The following UIMC1 variants were observed in gnomAD, a reference collection of about 807,000 sequenced individuals.
UIMC1 encodes the protein BRCA1-A complex subunit RAP80.
A neutral mutation model predicts 84.9 loss-of-function variants in UIMC1; 42 were observed. That is an observed-to-expected ratio of 0.49 (90% confidence interval 0.39 to 0.64). The LOEUF is 0.64. UIMC1 is among the 30% of genes least tolerant of loss of function. UIMC1 has a pLI of 0.00. For missense variants in UIMC1, 825 were observed against 847.6 expected (o/e 0.97, Z 0.33); for synonymous variants, 281 against 293.0 (o/e 0.96, Z 0.42).
chr5:176,910,267 T>C (rs532573754), intron 11 of UIMC1, among the ~76,000 whole-genome samples: 59 of 152,344 alleles, frequency 3.9e-4, no homozygotes, highest in African/African-American at 1.4e-3. Flanking sequence ...GGGTCTAAGA[T>C]CTGTGTTTCA....
At chr5:176,918,979 T>C (rs1247557633) in intron 10 of UIMC1, among the ~76,000 whole-genome samples, 1 of 152,224 alleles carries the variant, frequency 6.6e-6, no homozygotes, top group African/African-American at 2.4e-5. Flanking sequence ...AATCTTGACA[T>C]ATTTTCCTAG....
At chr5:176,928,063 C>T (rs1366101373) in intron 10 of UIMC1, among the ~76,000 whole-genome samples, 3 of 151,996 alleles carry the variant, frequency 2.0e-5, no homozygotes, top group East Asian at 1.9e-4. Context: ...AGGCTGGTCT[C>T]GAACTCTTGA....
chr5:176,924,896 G>A (rs573305669), intron 10 of UIMC1, among the ~76,000 whole-genome samples: 4 of 151,598 alleles, frequency 2.6e-5, no homozygotes, highest in East Asian at 3.9e-4. Context: ...AAAATTAGCC[G>A]GGCACACATC....
intron 10 of UIMC1, among the ~76,000 whole-genome samples, chr5:176,923,854 ACT>A (rs912502383): frequency 1.6e-5 from 2 of 128,292 alleles, no homozygotes; most frequent in African/African-American, 2.7e-5. Context: ...ACAGAGCAAG[ACT>A]CTGTCTCAAA....
chr5:176,921,881 G>A (rs547906961), intron 10 of UIMC1, among the ~76,000 whole-genome samples: 247 of 152,252 alleles, frequency 1.6e-3, no homozygotes, highest in African/African-American at 5.7e-3. Flanking sequence ...TATTTGGAAT[G>A]AAGTACAAAA....
intron 13 of UIMC1, chr5:176,906,309 T>C (rs988383758): frequency 6.9e-6 from 3 of 435,102 alleles, no homozygotes; most frequent in African/African-American, 4.0e-5. Context: ...AACAAGGAAG[T>C]TGCCAAGGGA....
In UIMC1 at chr5:176,951,454, A is replaced by C. The variant is rs1765865992; in HGVS notation, c.1443+20T>G. 5 of 1,500,834 alleles carry C rather than the reference A, an allele frequency of 3.3e-6. No individual in the cohort carries two copies. The South Asian group carries it at 5.6e-5, about 17-fold the overall frequency. The allele number at this position is 1,500,834 out of a possible 1,614,324, so 93.0% of individuals were successfully genotyped here. A position where few individuals can be genotyped will look rare whatever the true frequency, so the allele number is the denominator to read the frequency against. On this transcript the variant is annotated intron_variant, in intron 9 of 14. Transcript: ENST00000511320. Reference sequence around the variant, plus strand: ...AACGGAAAGAAACCACTGAGAAAAAATATAGAGGAAAATATTCACCTCCTT... The same window carrying C: ...AACGGAAAGAAACCACTGAGAAAAACTATAGAGGAAAATATTCACCTCCTT...
upstream of UIMC1, among the ~76,000 whole-genome samples, chr5:177,007,976 A>G (rs1270999490): frequency 6.8e-6 from 1 of 146,956 alleles, no homozygotes; most frequent in Admixed American, 6.8e-5. Flanking sequence ...GTGGTGGTAC[A>G]TGCCAGTAAT....
chr5:176,919,537 T>TCA (rs1761439390), intron 10 of UIMC1, among the ~76,000 whole-genome samples: 1 of 152,210 alleles, frequency 6.6e-6, no homozygotes. Context: ...TCAACTGTGT[T>TCA]GCCCAGGTGG....
intron 1 of UIMC1, among the ~76,000 whole-genome samples, chr5:176,989,279 C>A (rs1772465246): frequency 6.6e-6 from 1 of 152,122 alleles, no homozygotes; most frequent in South Asian, 2.1e-4. Flanking sequence ...TTTACAAAAT[C>A]ATTCCCCATG....
chr5:176,961,996 G>T (rs1326055260), intron 6 of UIMC1, among the ~76,000 whole-genome samples: 1 of 69,814 alleles, frequency 1.4e-5, no homozygotes, highest in African/African-American at 6.4e-5. Flanking sequence ...GAGGTGGGGG[G>T]GTCAGCCCCC....
intron 12 of UIMC1, 167 bp from the exon 13 acceptor site, chr5:176,907,344 A>G: frequency 1.6e-6 from 1 of 613,658 alleles, no homozygotes; most frequent in South Asian, 2.0e-5. Context: ...GTGAAAAAGC[A>G]AACTATAATG....
chr5:176,976,152 A>T (rs756503126), intron 2 of UIMC1, among the ~76,000 whole-genome samples: 2 of 151,962 alleles, frequency 1.3e-5, no homozygotes, highest in African/African-American at 4.8e-5. Flanking sequence ...AAATTTATTT[A>T]TTTTTTAATT....
In UIMC1 at chr5:176,968,772, G is replaced by A; in HGVS notation, c.983C>T (p.Pro328Leu). ...KGFGEPVLPR[P>L]PSLIQNECGQ... is the part of the protein sequence containing the mutation. Reference sequence around the variant, plus strand: ...ACATTCATTCTGGATCAGAGAAGGAGGTCTAGGTAACACTGGTTCCCCAAA... The same window carrying A: ...ACATTCATTCTGGATCAGAGAAGGAAGTCTAGGTAACACTGGTTCCCCAAA... The change falls in exon 6 of 15, where the codon CCT becomes CTT. Residue 328 changes from proline to leucine, a missense_variant. Pro to Leu is a moderately conservative substitution (Grantham distance 98). Coordinates refer to ENST00000511320, the MANE Select transcript of UIMC1 (RefSeq NM_001199298.2). 6.2e-7 allele frequency: 1 copy of A among 1,614,162 alleles called. No individual in the cohort carries two copies. The highest frequency in any genetic ancestry group is 1.7e-5 in the Admixed American group (1 of 60,010).
At chr5:176,949,092 T>TA (rs918300341) in intron 9 of UIMC1, among the ~76,000 whole-genome samples, 10 of 151,778 alleles carry the variant, frequency 6.6e-5, no homozygotes, top group Non-Finnish European at 1.5e-4. Flanking sequence ...TTCCCCTTTT[T>TA]AAAAAAATTT....
intron 2 of UIMC1, among the ~76,000 whole-genome samples, chr5:176,977,762 T>C (rs1256996578): frequency 6.6e-6 from 1 of 151,148 alleles, no homozygotes; most frequent in African/African-American, 2.4e-5. Context: ...ATACAAAAAT[T>C]GCGCAGGTGT....
At chr5:176,960,426 A>G (rs1476939870) in intron 6 of UIMC1, among the ~76,000 whole-genome samples, 1 of 152,182 alleles carries the variant, frequency 6.6e-6, no homozygotes, top group Non-Finnish European at 1.5e-5. Context: ...ATAGCAAAAT[A>G]AGCAAATAAA....
chr5:176,987,293 ACAAAAACCAATTGCATTCCTATATG>A (rs1772170966), intron 1 of UIMC1, among the ~76,000 whole-genome samples: 1 of 152,196 alleles, frequency 6.6e-6, no homozygotes, highest in Non-Finnish European at 1.5e-5. Context: ...AAGTCAACAT[ACAAAAACCAATTGCATTCCTATATG>A]CTAGACATAA....
chr5:176,964,450 T>A (rs1767991205), intron 6 of UIMC1, among the ~76,000 whole-genome samples: 1 of 152,202 alleles, frequency 6.6e-6, no homozygotes, highest in Non-Finnish European at 1.5e-5. Context: ...AACCCATCAT[T>A]TTTATGGCTC....
Sources: gnomAD v4.1 joint callset for allele counts (sites outside exome capture counted in the v4.1 genomes callset) on GRCh38, gnomAD v4.1.1 for gene constraint, MANE v1.5 for transcripts, NCBI Gene and HGNC (gene_info 2026-07-23, HGNC 2026-07-21) for gene names.